VWC2L: variants seen among roughly 807,000 people sequenced by gnomAD.
VWC2L encodes the protein von Willebrand factor C domain-containing protein 2-like.
VWC2L carries 10 observed loss-of-function variants against 21.6 expected under a neutral mutation model. The observed-to-expected ratio is 0.46, with a 90% CI of 0.29 to 0.78. VWC2L has a LOEUF of 0.78. Ranked by LOEUF, VWC2L falls within the 30% of genes least tolerant of loss-of-function variation. The probability of loss-of-function intolerance (pLI) is 0.10; values close to 1 mark genes in which losing one functional copy is unlikely to be tolerated. For synonymous variants in VWC2L, 96 were observed against 94.3 expected (o/e 1.02, Z -0.10); for missense variants, 209 against 277.1 (o/e 0.75, Z 1.74).
At position 214,504,915 on chromosome 2, in the gene VWC2L, A is replaced by C. The variant is rs558418996; in HGVS notation, c.520+68157A>C. On this transcript the variant is annotated intron_variant, in intron 3 of 3. Transcript: ENST00000312504. ...CAATTTTGAGCTGTGAATTTCCAGC[A>C]CATCATTTAGTTCATTGCCTTGCTC... 3.9e-5 allele frequency among the ~76,000 whole-genome samples: 6 copies of C among 152,328 alleles called. No individual in the cohort carries two copies. The East Asian group carries it at 1.2e-3, about 29-fold the overall frequency.
chr2:214,466,961 T>C (rs1056142058), intron 3 of VWC2L, among the ~76,000 whole-genome samples: 2 of 152,242 alleles, frequency 1.3e-5, no homozygotes, highest in Non-Finnish European at 2.9e-5. Context: ...TAATTTCTAA[T>C]TGAATGTCAG....
At chr2:214,523,482 T>A (rs781658663) in intron 3 of VWC2L, among the ~76,000 whole-genome samples, 1 of 152,194 alleles carries the variant, frequency 6.6e-6, no homozygotes, top group Non-Finnish European at 1.5e-5. Flanking sequence ...AGAAACAGAT[T>A]TTTTTCTAAG....
intron 3 of VWC2L, 41 bp downstream of exon 3, chr2:214,436,799 C>T (rs1702685455): frequency 6.2e-7 from 1 of 1,608,808 alleles, no homozygotes; most frequent in South Asian, 1.1e-5. Context: ...GGGGTTCGCA[C>T]AAAATACAAA....
chr2:214,546,572 C>A (rs904989949), intron 3 of VWC2L, among the ~76,000 whole-genome samples: 4 of 152,078 alleles, frequency 2.6e-5, no homozygotes, highest in African/African-American at 9.7e-5. Flanking sequence ...ACAAACCGGG[C>A]AAATTATTGT....
intron 3 of VWC2L, among the ~76,000 whole-genome samples, chr2:214,490,817 G>T (rs1408368468): frequency 6.6e-6 from 1 of 152,150 alleles, no homozygotes; most frequent in Non-Finnish European, 1.5e-5. Flanking sequence ...GTTAAACAGA[G>T]AAAAAGAAGG....
intron 3 of VWC2L, among the ~76,000 whole-genome samples, chr2:214,514,964 T>C (rs1689117292): frequency 6.6e-6 from 1 of 152,198 alleles, no homozygotes; most frequent in African/African-American, 2.4e-5. Context: ...AAGGATAAAA[T>C]ACAGTTTTAA....
At chr2:214,456,253 T>C (rs903832795) in intron 3 of VWC2L, among the ~76,000 whole-genome samples, 4 of 152,152 alleles carry the variant, frequency 2.6e-5, no homozygotes, top group African/African-American at 7.2e-5. Flanking sequence ...TAAACTGATA[T>C]CTCATTGGGT....
intron 3 of VWC2L, among the ~76,000 whole-genome samples, chr2:214,522,374 CAA>C (rs5838440): frequency 7.6e-4 from 78 of 102,944 alleles, no homozygotes; most frequent in South Asian, 4.2e-3. Flanking sequence ...GACCCCGTCT[CAA>C]AAAAAAAAAA....
chr2:214,450,280 A>G (rs1702934044), intron 3 of VWC2L, among the ~76,000 whole-genome samples: 1 of 152,172 alleles, frequency 6.6e-6, no homozygotes, highest in South Asian at 2.1e-4. Context: ...AGTAAGTGCA[A>G]GAGTCAGGTC....
intron 3 of VWC2L, among the ~76,000 whole-genome samples, chr2:214,509,559 TAGAGGGTA>T (rs1366833449): frequency 1.5e-4 from 23 of 151,620 alleles, no homozygotes; most frequent in African/African-American, 5.3e-4. Context: ...GAAGTGGGAG[TAGAGGGTA>T]AGAGGGGTAG....
intron 3 of VWC2L, among the ~76,000 whole-genome samples, chr2:214,563,559 A>AAAAAAAAAAAAAAAAAAAAAAAT (rs1690011760): frequency 7.4e-6 from 1 of 134,754 alleles, no homozygotes; most frequent in Non-Finnish European, 1.5e-5. Context: ...AAAAAAAAAA[A>AAAAAAAAAAAAAAAAAAAAAAAT]AAAAAAAAAA....
rs984776233 is a variant in VWC2L at position 214,471,749 on chromosome 2, G to A, written c.520+34991G>A. Among the ~76,000 whole-genome samples, 25 of 152,264 alleles carry A rather than the reference G, an allele frequency of 1.6e-4. 1 individual carries two copies. The highest frequency in any genetic ancestry group is 3.4e-3 in the Middle Eastern group (1 of 294). On this transcript the variant is annotated intron_variant, in intron 3 of 3. Transcript: ENST00000312504. Reference sequence around the variant, plus strand: ...AATCAAATGGAGGTTTGGGGCTCTGGAACATATTCATAGGGTTCTATAAAT... The same window carrying A: ...AATCAAATGGAGGTTTGGGGCTCTGAAACATATTCATAGGGTTCTATAAAT...
chr2:214,522,164 A>G (rs541755930), intron 3 of VWC2L, among the ~76,000 whole-genome samples: 1 of 152,234 alleles, frequency 6.6e-6, no homozygotes, highest in East Asian at 1.9e-4. Context: ...TCACGAGGTC[A>G]GGAGATCAAG....
At chr2:214,501,285 C>T (rs1172356355) in intron 3 of VWC2L, among the ~76,000 whole-genome samples, 3 of 152,086 alleles carry the variant, frequency 2.0e-5, no homozygotes, top group African/African-American at 7.2e-5. Context: ...GTCACTACCA[C>T]CTGGAAAGAA....
rs1370664683 is a variant in VWC2L, at chr2:214,577,948, A to C, written c.*2128A>C. ...GCAAGGTTGGTGCCTTTCATTTGCCACCATGGATACATCATATAGACAGTC... is the reference window on the plus strand; with the variant it reads ...GCAAGGTTGGTGCCTTTCATTTGCCCCCATGGATACATCATATAGACAGTC... On this transcript the variant is annotated 3_prime_UTR_variant, in exon 4 of 4. Coordinates refer to ENST00000312504, the MANE Select transcript of VWC2L (RefSeq NM_001080500.4). The C allele has an allele frequency of 6.6e-6, 1 of 152,098 alleles. No homozygotes were observed. The highest frequency in any genetic ancestry group is 1.5e-5 in the Non-Finnish European group (1 of 68,018). The allele number at this position is 152,098 out of a possible 1,614,324, so 9.4% of individuals were successfully genotyped here. A position where few individuals can be genotyped will look rare whatever the true frequency, so the allele number is the denominator to read the frequency against.
intron 3 of VWC2L, among the ~76,000 whole-genome samples, chr2:214,532,910 G>A (rs1689461985): frequency 1.3e-5 from 2 of 152,164 alleles, no homozygotes; most frequent in Non-Finnish European, 2.9e-5. Flanking sequence ...ACAGATGCTG[G>A]AGCAGTGACC....
At chr2:214,556,431 T>C (rs1393517576) in intron 3 of VWC2L, among the ~76,000 whole-genome samples, 1 of 152,170 alleles carries the variant, frequency 6.6e-6, no homozygotes, top group Non-Finnish European at 1.5e-5. Flanking sequence ...GGGATTCCCT[T>C]AATATTGCTT....
Position 214,576,890 on chromosome 2 carries a change from T to A in VWC2L, c.*1070T>A, listed in dbSNP as rs963744935. On this transcript the variant is annotated 3_prime_UTR_variant, in exon 4 of 4. Transcript: ENST00000312504. ...ACAGATTCAGGACACCCTTTCCACC[T>A]CAAGTGCTGATTTAAATTAAAGATT... The A allele has an allele frequency of 6.5e-5, 9 of 138,204 alleles. No individual in the cohort carries two copies. Among genetic ancestry groups the A allele is most frequent in the African/African-American group, 2.8e-4 (9 of 31,894 alleles). The allele number at this position is 138,204 out of a possible 1,614,324, so 8.6% of individuals were successfully genotyped here. A position where few individuals can be genotyped will look rare whatever the true frequency, so the allele number is the denominator to read the frequency against.
At chr2:214,443,500 A>G (rs1303948783) in intron 3 of VWC2L, among the ~76,000 whole-genome samples, 2 of 152,184 alleles carry the variant, frequency 1.3e-5, no homozygotes, top group East Asian at 3.9e-4. Context: ...ACCAAATGGG[A>G]TTTACTAGGG....
Sources: gnomAD v4.1 joint callset for allele counts (sites outside exome capture counted in the v4.1 genomes callset) on GRCh38, gnomAD v4.1.1 for gene constraint, MANE v1.5 for transcripts, NCBI Gene and HGNC (gene_info 2026-07-23, HGNC 2026-07-21) for gene names.